CMYA5: variants seen among roughly 807,000 people sequenced by gnomAD.
The protein encoded by CMYA5 is cardiomyopathy-associated protein 5.
In CMYA5, 246 loss-of-function variants were observed where a neutral mutation model predicts 318.9. The observed-to-expected ratio is 0.77, with a 90% CI of 0.70 to 0.86. CMYA5 has a LOEUF of 0.86. Among genes scored for constraint, CMYA5 ranks in the 40% least tolerant of loss-of-function variants. The pLI, the probability that CMYA5 is intolerant of heterozygous loss-of-function variation, is 0.00. For missense variants in CMYA5, 4,589 were observed against 4,678.2 expected (o/e 0.98, Z 0.56); for synonymous variants, 1,641 against 1,729.5 (o/e 0.95, Z 1.27).
In CMYA5 at chr5:79,727,838, G is replaced by A. The variant is rs906872460; in HGVS notation, c.150-1077G>A. ...GGGGCCCAATAGCAAATGAAGGAGCGGCCAAAGCCAGCCATCTCGGAAGGG... is the reference window on the plus strand; with the variant it reads ...GGGGCCCAATAGCAAATGAAGGAGCAGCCAAAGCCAGCCATCTCGGAAGGG... On this transcript the variant is annotated intron_variant, in intron 1 of 12. Coordinates refer to ENST00000446378, the MANE Select transcript of CMYA5 (RefSeq NM_153610.5). Among the ~76,000 whole-genome samples, 11 of 151,862 alleles carry A rather than the reference G, an allele frequency of 7.2e-5. 1 individual carries two copies. Among genetic ancestry groups the A allele is most frequent in the Admixed American group, 5.3e-4 (8 of 15,224 alleles).
Position 79,736,203 on chromosome 5 carries a change from G to C in CMYA5, c.7438G>C (p.Val2480Leu). 2 of 1,613,668 alleles carry C rather than the reference G, an allele frequency of 1.2e-6. No homozygotes were observed. The highest frequency in any genetic ancestry group is 8.5e-7 in the Non-Finnish European group (1 of 1,179,742). ...GGTGCTGGCAGAAAAACAAAACTCT[G>C]TGGCCCCATTAGAGCTTAGAGATAG... ...KKVLAEKQNS[V>L]APLELRDSNE... The change falls in exon 2 of 13, where the codon GTG (valine) becomes CTG (leucine). Residue 2480 changes from valine to leucine, a missense_variant. By Grantham distance (32) the Val-to-Leu change is conservative. This residue lies in a region of CMYA5 where 2,431 missense variants were observed against 2,495.1 expected (regional missense o/e 0.97). Coordinates refer to ENST00000446378, the MANE Select transcript of CMYA5 (RefSeq NM_153610.5).
At chr5:79,702,099 A>G (rs1198018356) in intron 1 of CMYA5, among the ~76,000 whole-genome samples, 1 of 152,064 alleles carries the variant, frequency 6.6e-6, no homozygotes, top group Non-Finnish European at 1.5e-5. Context: ...GCGAGACTCC[A>G]TCTCAATAAA....
rs1315375121 is a variant in CMYA5, at chr5:79,753,045, C to G, written c.11110+251C>G. Among the ~76,000 whole-genome samples the G allele has an allele frequency of 3.3e-5, 5 of 151,956 alleles. No individual in the cohort carries two copies. In the East Asian group the frequency reaches 7.7e-4, roughly 23 times the overall value. ...GAGGAGGTGGAAGGAGCCATGGAAC[C>G]AAAGGGTCTCCTCTTTTTTTTTTTC... On this transcript the variant is annotated intron_variant, in intron 6 of 12. Coordinates refer to ENST00000446378, the MANE Select transcript of CMYA5 (RefSeq NM_153610.5).
At chr5:79,748,515 A>G (rs531843765) in intron 5 of CMYA5, among the ~76,000 whole-genome samples, 1 of 110,774 alleles carries the variant, frequency 9.0e-6, no homozygotes, top group Admixed American at 8.8e-5. Flanking sequence ...CTATCTATCT[A>G]TCTACCTATC....
At position 79,793,579 on chromosome 5, in the gene CMYA5, T is replaced by C; in HGVS notation, c.11932T>C (p.Ser3978Pro). 1 of 1,613,506 alleles carries C rather than the reference T, an allele frequency of 6.2e-7. No homozygotes were observed. The highest frequency in any genetic ancestry group is 1.1e-5 in the South Asian group (1 of 91,042). ...AGGTGCCCTAGGACAAGGGGAGACC[T>C]CATGGTACATGCACTGCTCTGAGCC... ...QAGALGQGET[S>P]WYMHCSEPQR... Residue 3978 changes from serine (S) to proline (P), a missense_variant, in exon 12 of 13, where the codon TCA becomes CCA. By Grantham distance (74) the Ser-to-Pro change is moderately conservative. Transcript: ENST00000446378.
Position 79,738,782 on chromosome 5 carries a change from G to T in CMYA5, c.10017G>T (p.Ala3339=). The T allele has an allele frequency of 6.2e-7, 1 of 1,613,836 alleles. No individual in the cohort carries two copies. Among genetic ancestry groups the T allele is most frequent in the Non-Finnish European group, 8.5e-7 (1 of 1,179,850 alleles). ...VRVATQKISY[A]VPFEDTHHVL... ...TGGCTACCCAGAAAATAAGTTATGC[G>T]GTTCCATTTGAAGACACCCATCATG... Residue 3339 remains alanine (A), a synonymous_variant, in exon 2 of 13, where the codon GCG becomes GCT. Transcript: ENST00000446378.
intron 1 of CMYA5, among the ~76,000 whole-genome samples, chr5:79,725,783 A>C (rs1415241698): frequency 6.6e-6 from 1 of 152,170 alleles, no homozygotes; most frequent in African/African-American, 2.4e-5. Context: ...ACGCACCTGT[A>C]ATCCCAGCTA....
chr5:79,710,114 A>G (rs995568917), intron 1 of CMYA5, among the ~76,000 whole-genome samples: 1 of 152,058 alleles, frequency 6.6e-6, no homozygotes, highest in African/African-American at 2.4e-5. Context: ...CACATTTTGA[A>G]TGCAGAAGCA....
intron 9 of CMYA5, among the ~76,000 whole-genome samples, chr5:79,778,844 TTCAC>T (rs1554037565): frequency 4.9e-5 from 6 of 122,372 alleles, no homozygotes; most frequent in Admixed American, 1.7e-4. Context: ...TGTATGTTTA[TTCAC>T]TCATGTTTTT....
At chr5:79,765,351 T>TCTGTTTTGGTACCAGTACCATG (rs1828730099) in intron 9 of CMYA5, among the ~76,000 whole-genome samples, 1 of 152,212 alleles carries the variant, frequency 6.6e-6, no homozygotes, top group Non-Finnish European at 1.5e-5. Context: ...GGTCTATATA[T>TCTGTTTTGGTACCAGTACCATG]CTGTTTTGGT....
At position 79,738,634 on chromosome 5, in the gene CMYA5, G is replaced by A. The variant is rs753611262; in HGVS notation, c.9869G>A (p.Cys3290Tyr). The change falls in exon 2 of 13, where the codon TGC (cysteine) becomes TAC (tyrosine). Residue 3290 changes from cysteine (C) to tyrosine (Y), a missense_variant. Transcript: ENST00000446378. Reference sequence around the variant, plus strand: ...ATTTGGGGAAAGTTTGGAACTATTTGCAGGGAGAAGAGTCTGGAAGAACAG... The same window carrying A: ...ATTTGGGGAAAGTTTGGAACTATTTACAGGGAGAAGAGTCTGGAAGAACAG... ...GEIWGKFGTI[C>Y]REKSLEEQKG... 3 of 1,613,876 alleles carry A rather than the reference G, an allele frequency of 1.9e-6. No individual in the cohort carries two copies. The highest frequency in any genetic ancestry group is 1.1e-5 in the South Asian group (1 of 91,088).
At chr5:79,765,276 T>C (rs1828729032) in intron 9 of CMYA5, among the ~76,000 whole-genome samples, 1 of 152,210 alleles carries the variant, frequency 6.6e-6, no homozygotes, top group African/African-American at 2.4e-5. Context: ...TCTTGTCAGG[T>C]TTGTCAAAGT....
At chr5:79,789,134 T>C (rs1829133262) in intron 10 of CMYA5, 30 bp downstream of exon 10, 1 of 1,611,000 alleles carries the variant, frequency 6.2e-7, no homozygotes, top group Non-Finnish European at 8.5e-7. Flanking sequence ...CAGTGAGCTA[T>C]TTCCAAGCTA....
At chr5:79,792,266 A>T (rs561874311) in intron 11 of CMYA5, among the ~76,000 whole-genome samples, 17 of 152,334 alleles carry the variant, frequency 1.1e-4, no homozygotes, top group East Asian at 1.9e-4. Flanking sequence ...GAATCCCTCA[A>T]ATCTAGCATG....
chr5:79,737,508 A>G lies in CMYA5; in HGVS notation c.8743A>G (p.Lys2915Glu). 1 of 1,613,496 alleles carries G rather than the reference A, an allele frequency of 6.2e-7. No individual in the cohort carries two copies. Among genetic ancestry groups the G allele is most frequent in the Non-Finnish European group, 8.5e-7 (1 of 1,179,736 alleles). The stretch of plus-strand genomic sequence containing the variant: ...AATGGTTTCTAATAAAGAAATGCCC[A>G]AGGAACCTGAAGACACATATGCAAA... ...DKMVSNKEMPKEPEDTYAKGE... is the reference protein window; with the variant it reads ...DKMVSNKEMPEEPEDTYAKGE... Residue 2915 changes from lysine to glutamate, a missense_variant, in exon 2 of 13, where the codon AAG becomes GAG. By Grantham distance (56) the Lys-to-Glu change is moderately conservative. Around this residue, in one of 3 missense-constraint regions of CMYA5, gnomAD observed 2,431 missense variants for 2,495.1 expected, o/e 0.97. Transcript: ENST00000446378.
Position 79,763,107 on chromosome 5 carries a change from G to A in CMYA5, c.11453G>A (p.Trp3818Ter), listed in dbSNP as rs200832170. Residue 3818 changes from tryptophan (W) to a stop codon, truncating the protein, a stop_gained, in exon 9 of 13, where the codon TGG (tryptophan) becomes TAG (stop). Transcript: ENST00000446378. LOFTEE classifies it high-confidence loss of function. Reference protein sequence around the residue: ...VIRAEDCTVCWNTATIRWRPT... With the variant: ...VIRAEDCTVC ...CGCGCTGAGGACTGTACTGTGTGTT[G>A]GAACACAGCCACTATCCGATGGCGG... is the stretch of plus-strand genomic sequence containing the variant. 5.6e-6 allele frequency: 9 copies of A among 1,613,656 alleles called. No homozygotes were observed.
chr5:79,701,019 C>T (rs569865153), intron 1 of CMYA5, among the ~76,000 whole-genome samples: 7 of 148,262 alleles, frequency 4.7e-5, no homozygotes, highest in Non-Finnish European at 1.0e-4. Flanking sequence ...CTGAGGCAAG[C>T]GGATCACTTG....
chr5:79,718,538 G>A (rs571206692), intron 1 of CMYA5, among the ~76,000 whole-genome samples: 5 of 152,140 alleles, frequency 3.3e-5, no homozygotes, highest in South Asian at 2.1e-4. Context: ...TATACTTCCC[G>A]TTAGTGCACT....
intron 1 of CMYA5, among the ~76,000 whole-genome samples, chr5:79,727,355 A>T (rs995732254): frequency 3.9e-5 from 6 of 152,248 alleles, no homozygotes; most frequent in African/African-American, 7.2e-5. Flanking sequence ...TAGTATTTTT[A>T]AAAAAGTTTC....
Sources: allele counts gnomAD v4.1 joint callset (sites outside exome capture counted in the v4.1 genomes callset), GRCh38; gene constraint gnomAD v4.1.1; regional missense constraint gnomAD v4.1.1; transcripts MANE v1.5; gene names NCBI Gene and HGNC (gene_info 2026-07-23, HGNC 2026-07-21).